The following ST6GALNAC3 variants were observed in gnomAD, a reference collection of about 807,000 sequenced individuals.
ST6GALNAC3 encodes the protein alpha-N-acetylgalactosaminide alpha-2,6-sialyltransferase 3.
A neutral mutation model predicts 32.7 loss-of-function variants in ST6GALNAC3; 25 were observed. The ratio of observed to expected loss-of-function variants is 0.76; its 90% confidence interval spans 0.56 to 1.07. The LOEUF (loss-of-function observed/expected upper bound fraction) is 1.07. Among genes scored for constraint, ST6GALNAC3 ranks in the 50% least tolerant of loss-of-function variants. The pLI is 0.00. For synonymous variants in ST6GALNAC3, 129 were observed against 133.1 expected, an observed-to-expected ratio of 0.97 and a Z score of 0.21; for missense variants, 355 against 382.4, an observed-to-expected ratio of 0.93 and a Z score of 0.60.
intron 3 of ST6GALNAC3, among the ~76,000 whole-genome samples, chr1:76,431,207 C>A (rs1447777855): frequency 1.3e-5 from 2 of 152,086 alleles, no homozygotes; most frequent in Non-Finnish European, 2.9e-5. Flanking sequence ...GCTTAGATAA[C>A]CCCAGAAACA....
At chr1:76,076,745 T>C (rs926970936) in intron 1 of ST6GALNAC3, among the ~76,000 whole-genome samples, 3 of 152,252 alleles carry the variant, frequency 2.0e-5, no homozygotes, top group African/African-American at 7.2e-5. Context: ...AAAATGTTTT[T>C]TATTCTTTAA....
chr1:76,269,715 G>A (rs774845160), intron 1 of ST6GALNAC3, among the ~76,000 whole-genome samples: 56 of 152,174 alleles, frequency 3.7e-4, no homozygotes, highest in Admixed American at 1.5e-3. Context: ...ATCAGCAAAC[G>A]CTGTTGAAGG....
At chr1:76,536,158 T>G (rs1276973142) in intron 3 of ST6GALNAC3, among the ~76,000 whole-genome samples, 1 of 152,162 alleles carries the variant, frequency 6.6e-6, no homozygotes, top group Admixed American at 6.6e-5. Context: ...TCAAAGGGTT[T>G]GAGAAACAGG....
chr1:76,223,228 A>G (rs1017016029), intron 1 of ST6GALNAC3, among the ~76,000 whole-genome samples: 1 of 152,210 alleles, frequency 6.6e-6, no homozygotes, highest in East Asian at 1.9e-4. Flanking sequence ...GAACAAGATC[A>G]TGTCCTTTGC....
At chr1:76,348,654 A>C (rs1011826875) in intron 2 of ST6GALNAC3, among the ~76,000 whole-genome samples, 3 of 152,194 alleles carry the variant, frequency 2.0e-5, no homozygotes, top group Non-Finnish European at 4.4e-5. Flanking sequence ...AGACAGAACG[A>C]TCATATATGT....
intron 1 of ST6GALNAC3, among the ~76,000 whole-genome samples, chr1:76,197,819 G>A (rs1446646162): frequency 2.6e-5 from 4 of 152,058 alleles, no homozygotes; most frequent in Admixed American, 1.3e-4. Flanking sequence ...TTGTTGATGT[G>A]GGGTGGGGGA....
At chr1:76,250,626 G>A (rs1657554049) in intron 1 of ST6GALNAC3, among the ~76,000 whole-genome samples, 1 of 152,140 alleles carries the variant, frequency 6.6e-6, no homozygotes, top group African/African-American at 2.4e-5. Context: ...TCCAAGGGCT[G>A]ACTGGAAGAA....
chr1:76,171,496 G>A (rs571106375), intron 1 of ST6GALNAC3, among the ~76,000 whole-genome samples: 1 of 150,748 alleles, frequency 6.6e-6, no homozygotes, highest in South Asian at 2.1e-4. Context: ...ATGAATCCAG[G>A]AGCTGTTTTT....
chr1:76,270,185 A>T (rs1016202449), intron 1 of ST6GALNAC3, among the ~76,000 whole-genome samples: 4 of 152,198 alleles, frequency 2.6e-5, no homozygotes, highest in African/African-American at 9.7e-5. Context: ...AAAATATCTC[A>T]TTGGGTATAT....
downstream of ST6GALNAC3, among the ~76,000 whole-genome samples, chr1:76,634,992 G>T (rs2100750043): frequency 6.6e-6 from 1 of 152,302 alleles, no homozygotes; most frequent in Non-Finnish European, 1.5e-5. Flanking sequence ...TGATATCCAA[G>T]TCGGAAACAT....
rs187603036 is a variant in ST6GALNAC3, at chr1:76,425,555, G to A, written c.623+13138G>A. Reference sequence around the variant, plus strand: ...AGATGTGGGGAATCCACTGATACTTGAAACACATTCTCTAATTTTACTGGG... The same window carrying A: ...AGATGTGGGGAATCCACTGATACTTAAAACACATTCTCTAATTTTACTGGG... On this transcript the variant is annotated intron_variant, in intron 3 of 4. Coordinates refer to ENST00000328299, the MANE Select transcript of ST6GALNAC3 (RefSeq NM_152996.4). 7.2e-5 allele frequency among the ~76,000 whole-genome samples: 11 copies of A among 152,038 alleles called. No individual in the cohort carries two copies. The East Asian group carries it at 2.1e-3, about 29-fold the overall frequency.
At chr1:76,134,771 G>A (rs1021091867) in intron 1 of ST6GALNAC3, among the ~76,000 whole-genome samples, 1 of 152,200 alleles carries the variant, frequency 6.6e-6, no homozygotes, top group Admixed American at 6.5e-5. Context: ...ACTGTCTTCA[G>A]ACAGACTGTC....
intron 3 of ST6GALNAC3, among the ~76,000 whole-genome samples, chr1:76,545,675 A>G (rs922703256): frequency 9.6e-5 from 11 of 114,718 alleles, no homozygotes; most frequent in Non-Finnish European, 1.3e-4. Flanking sequence ...TTTTTTTTTG[A>G]GACGGAGTTT....
intron 3 of ST6GALNAC3, among the ~76,000 whole-genome samples, chr1:76,491,695 G>A (rs1571403242): frequency 6.6e-6 from 1 of 152,158 alleles, no homozygotes; most frequent in South Asian, 2.1e-4. Flanking sequence ...CCCAGCTACA[G>A]GGCATAGATA....
chr1:76,480,681 C>A (rs1341443876), intron 3 of ST6GALNAC3, among the ~76,000 whole-genome samples: 1 of 152,022 alleles, frequency 6.6e-6, no homozygotes, highest in Non-Finnish European at 1.5e-5. Context: ...TTTGAACTCT[C>A]TTTTAGCAGT....
intron 1 of ST6GALNAC3, among the ~76,000 whole-genome samples, chr1:76,196,296 G>A (rs938573723): frequency 6.6e-6 from 1 of 152,152 alleles, no homozygotes; most frequent in Admixed American, 6.5e-5. Context: ...GACTAAGGAA[G>A]TCGGAGATGG....
intron 1 of ST6GALNAC3, among the ~76,000 whole-genome samples, chr1:76,284,096 G>A (rs1012610886): frequency 1.3e-5 from 2 of 152,120 alleles, no homozygotes; most frequent in African/African-American, 4.8e-5. Context: ...AGAAATTTAT[G>A]CTTTAAAGTA....
intron 1 of ST6GALNAC3, among the ~76,000 whole-genome samples, chr1:76,240,008 A>T (rs188100613): frequency 2.0e-5 from 3 of 152,316 alleles, no homozygotes; most frequent in Admixed American, 1.3e-4. Flanking sequence ...AGCCATTGAT[A>T]AATTAATTCT....
At position 76,575,568 on chromosome 1, in the gene ST6GALNAC3, CATTAAG is replaced by C. The variant is rs1477043616; in HGVS notation, c.624-51878_624-51873del. The stretch of plus-strand genomic sequence containing the variant: ...TAACTAAATATGAGAGTAGTGAGCG[CATTAAG>C]ATTAACTCTCAAGTTTCTTATATGA... On this transcript the variant is annotated intron_variant, in intron 3 of 4. Coordinates refer to ENST00000328299, the MANE Select transcript of ST6GALNAC3 (RefSeq NM_152996.4). Among the ~76,000 whole-genome samples, 3 of 152,002 alleles carry C rather than the reference CATTAAG, an allele frequency of 2.0e-5. No individual in the cohort carries two copies. In the East Asian group the frequency reaches 5.8e-4, roughly 29 times the overall value.
Sources: gnomAD v4.1 joint callset for allele counts (sites outside exome capture counted in the v4.1 genomes callset) on GRCh38, gnomAD v4.1.1 for gene constraint, MANE v1.5 for transcripts, NCBI Gene and HGNC (gene_info 2026-07-23, HGNC 2026-07-21) for gene names.